SYNE2: variants seen among roughly 807,000 people sequenced by gnomAD.
The protein encoded by SYNE2 is spectrin repeat containing nuclear envelope protein 2, also known as nesprin-2.
In SYNE2, 431 loss-of-function variants were observed where a neutral mutation model predicts 856.3. The observed-to-expected ratio is 0.50, with a 90% CI of 0.47 to 0.55. SYNE2 has a LOEUF of 0.55. Among genes scored for constraint, SYNE2 ranks in the 20% least tolerant of loss-of-function variants. The pLI is 0.00. For missense variants in SYNE2, 8,129 were observed against 8,023.2 expected (o/e 1.01, Z -0.50); for synonymous variants, 2,923 against 2,872.3 (o/e 1.02, Z -0.56).
At chr14:63,791,943 CA>C (rs765571108) in intron 1 of SYNE2, among the ~76,000 whole-genome samples, 10 of 119,088 alleles carry the variant, frequency 8.4e-5, no homozygotes, top group African/African-American at 2.1e-4. Flanking sequence ...GACTCCGTCT[CA>C]AAAAAAAAAA....
At chr14:64,136,879 A>G (rs1346447298) in intron 78 of SYNE2, among the ~76,000 whole-genome samples, 3 of 152,168 alleles carry the variant, frequency 2.0e-5, no homozygotes, top group Admixed American at 6.5e-5. Flanking sequence ...AGGAAACCCT[A>G]CTGGCTCTGC....
chr14:64,186,372 A>G (rs2098490915), intron 96 of SYNE2, 52 bp from the exon 97 acceptor site: 2 of 1,612,652 alleles, frequency 1.2e-6, no homozygotes, highest in African/African-American at 2.7e-5. Context: ...GTTTGGAAAC[A>G]ACAGCCGCTT....
At chr14:63,907,619 T>C (rs1399129743) in intron 1 of SYNE2, among the ~76,000 whole-genome samples, 1 of 152,076 alleles carries the variant, frequency 6.6e-6, no homozygotes, top group Non-Finnish European at 1.5e-5. Context: ...TGGAATAGTG[T>C]GTGCCCTTAG....
At chr14:64,102,192 C>CT in intron 64 of SYNE2, 150 bp downstream of exon 64, 1 of 629,804 alleles carries the variant, frequency 1.6e-6, no homozygotes, top group South Asian at 1.7e-5. Flanking sequence ...TCTCAGCTCA[C>CT]TGCAACCTCC....
chr14:64,072,231 G>C (rs923085184), intron 52 of SYNE2, among the ~76,000 whole-genome samples: 1 of 152,190 alleles, frequency 6.6e-6, no homozygotes, highest in African/African-American at 2.4e-5. Context: ...AAAGAATATA[G>C]TAGTTTTATG....
At chr14:64,118,642 C>T (rs887716708) in intron 66 of SYNE2, among the ~76,000 whole-genome samples, 1 of 152,042 alleles carries the variant, frequency 6.6e-6, no homozygotes, top group African/African-American at 2.4e-5. Flanking sequence ...GTGGGCAGAT[C>T]ACGAGGTCAG....
At position 64,053,316 on chromosome 14, in the gene SYNE2, A is replaced by G; in HGVS notation, c.9403A>G (p.Lys3135Glu). 1.2e-6 allele frequency: 2 copies of G among 1,610,976 alleles called. No individual in the cohort carries two copies. Among genetic ancestry groups the G allele is most frequent in the South Asian group, 1.1e-5 (1 of 89,738 alleles). ...LNAEENDKLY[K>E]VLQNMVLELS... ...TGCAGAAGAAAATGATAAGTTATAC[A>G]AAGTTCTCCAAAACATGGTATTAGA... The change falls in exon 48 of 116, where the codon AAA becomes GAA. Residue 3135 changes from lysine (K) to glutamate (E), a missense_variant. Lys to Glu is a moderately conservative substitution (Grantham distance 56). Coordinates refer to ENST00000555002, the MANE Select transcript of SYNE2 (RefSeq NM_182914.3).
chr14:64,179,244 C>G (rs2098447745), intron 96 of SYNE2, among the ~76,000 whole-genome samples: 1 of 152,182 alleles, frequency 6.6e-6, no homozygotes, highest in African/African-American at 2.4e-5. Flanking sequence ...TCCAGCAATT[C>G]TCGTGCCTCA....
intron 1 of SYNE2, among the ~76,000 whole-genome samples, chr14:63,791,967 T>G (rs1313299934): frequency 7.0e-6 from 1 of 143,722 alleles, no homozygotes; most frequent in Non-Finnish European, 1.5e-5. Context: ...AAAACAAAAC[T>G]TAAAAATGAA....
At chr14:64,037,873 CGGCTGGCCGGGCGGGG>C (rs1276451105) in intron 45 of SYNE2, among the ~76,000 whole-genome samples, 1 of 150,226 alleles carries the variant, frequency 6.7e-6, no homozygotes, top group African/African-American at 2.5e-5. Flanking sequence ...CCGGACGGGG[CGGCTGGCCGGGCGGGG>C]GGCTGACCCC....
Position 64,055,954 on chromosome 14 carries a change from A to G in SYNE2, c.9755A>G (p.Asn3252Ser), listed in dbSNP as rs1160582915. 1.2e-6 allele frequency: 2 copies of G among 1,613,600 alleles called. No individual in the cohort carries two copies. Among genetic ancestry groups the G allele is most frequent in the South Asian group, 1.1e-5 (1 of 91,000 alleles). The change falls in exon 49 of 116, where the codon AAT becomes AGT. Residue 3252 changes from asparagine to serine, a missense_variant. Around this residue, in one of 3 missense-constraint regions of SYNE2, gnomAD observed 5,410 missense variants for 5,284.8 expected, o/e 1.02. Coordinates refer to ENST00000555002, the MANE Select transcript of SYNE2 (RefSeq NM_182914.3). ...TCTCCTATTCACTAGAATGTCTTGA[A>G]TGATGCTTATGAAAATCTAACACGC... is the stretch of plus-strand genomic sequence containing the variant. ...TSIDLRTNVL[N>S]DAYENLTRYK...
chr14:63,831,039 C>T (rs755810208), intron 1 of SYNE2, among the ~76,000 whole-genome samples: 3 of 151,978 alleles, frequency 2.0e-5, no homozygotes, highest in Non-Finnish European at 4.4e-5. Context: ...CAGGGTTTCA[C>T]CAGTTTAGCC....
At chr14:63,800,761 T>G (rs867767460) in intron 1 of SYNE2, among the ~76,000 whole-genome samples, 1 of 152,112 alleles carries the variant, frequency 6.6e-6, no homozygotes, top group South Asian at 2.1e-4. Flanking sequence ...AGCTAAATGA[T>G]GAGAACTTAT....
At chr14:64,223,007 A>G (rs892923736) in intron 112 of SYNE2, among the ~76,000 whole-genome samples, 182 bp from the exon 113 acceptor site, 1 of 152,140 alleles carries the variant, frequency 6.6e-6, no homozygotes, top group African/African-American at 2.4e-5. Context: ...GGCATAATAC[A>G]CTTGCTATCT....
chr14:64,174,431 A>C (rs903733233), intron 94 of SYNE2, among the ~76,000 whole-genome samples: 2 of 152,254 alleles, frequency 1.3e-5, no homozygotes, highest in African/African-American at 4.8e-5. Context: ...TATTCGGATG[A>C]AATTTTTTAA....
intron 2 of SYNE2, among the ~76,000 whole-genome samples, chr14:63,937,719 A>C (rs2094834): frequency 7.2e-5 from 11 of 151,772 alleles, no homozygotes; most frequent in African/African-American, 2.2e-4. Flanking sequence ...AGCACTGTTG[A>C]GTGGGTTTCT....
At chr14:64,126,159 C>T (rs574436742) in intron 71 of SYNE2, among the ~76,000 whole-genome samples, 168 bp from the exon 72 acceptor site, 3 of 152,246 alleles carry the variant, frequency 2.0e-5, no homozygotes, top group South Asian at 2.1e-4. Flanking sequence ...AGTTTAACAT[C>T]GTAAGTTTAT....
chr14:63,773,553 G>T (rs769789108), intron 1 of SYNE2, among the ~76,000 whole-genome samples: 5 of 152,024 alleles, frequency 3.3e-5, no homozygotes, highest in Admixed American at 1.3e-4. Flanking sequence ...TTCTTTGTTT[G>T]TTTTTACTTT....
At chr14:64,141,612 C>T in intron 81 of SYNE2, 89 bp downstream of exon 81, 7 of 1,370,038 alleles carry the variant, frequency 5.1e-6, no homozygotes, top group Non-Finnish European at 7.2e-6. Context: ...CAATAATTTT[C>T]ATTGACACTA....
Sources: gnomAD v4.1 joint callset for allele counts (sites outside exome capture counted in the v4.1 genomes callset) on GRCh38, gnomAD v4.1.1 for gene constraint, gnomAD v4.1.1 regional missense constraint, MANE v1.5 for transcripts, NCBI Gene and HGNC (gene_info 2026-07-23, HGNC 2026-07-21) for gene names.